The following MARCHF1 variants were observed in gnomAD, a reference collection of about 807,000 sequenced individuals.
The protein encoded by MARCHF1 is membrane associated ring-CH-type finger 1.
MARCHF1 carries 40 observed loss-of-function variants against 54.2 expected under a neutral mutation model. The ratio of observed to expected loss-of-function variants is 0.74; its 90% CI spans 0.57 to 0.96. MARCHF1 has a LOEUF of 0.96. MARCHF1 is among the 40% of genes least tolerant of loss of function. MARCHF1 has a pLI of 0.00. For synonymous variants in MARCHF1, 236 were observed against 236.3 expected, an observed-to-expected ratio of 1.00 and a Z score of 0.01; for missense variants, 586 against 656.5, an observed-to-expected ratio of 0.89 and a Z score of 1.17.
intron 5 of MARCHF1, among the ~76,000 whole-genome samples, chr4:163,675,454 G>T (rs529049873): frequency 4.0e-4 from 61 of 152,302 alleles, no homozygotes; most frequent in African/African-American, 1.4e-3. Flanking sequence ...GCAACTTATT[G>T]TGGAGGAGAG....
intron 4 of MARCHF1, among the ~76,000 whole-genome samples, chr4:163,764,025 G>A (rs1746905410): frequency 6.6e-6 from 1 of 151,950 alleles, no homozygotes. Context: ...CACCACTGCA[G>A]GCAGCTAAAA....
intron 7 of MARCHF1, among the ~76,000 whole-genome samples, chr4:163,600,294 T>C (rs1272115261): frequency 2.0e-5 from 3 of 152,146 alleles, no homozygotes; most frequent in Admixed American, 1.3e-4. Flanking sequence ...AAATCAGTGG[T>C]TCTCAGCTTT....
At chr4:163,979,143 G>A (rs1752708421) in intron 3 of MARCHF1, among the ~76,000 whole-genome samples, 2 of 106,114 alleles carry the variant, frequency 1.9e-5, no homozygotes, top group Non-Finnish European at 3.7e-5. Flanking sequence ...CTAGCATTAG[G>A]TATATCTCCC....
chr4:164,101,307 G>T (rs11945716), intron 2 of MARCHF1, among the ~76,000 whole-genome samples: 2 of 151,042 alleles, frequency 1.3e-5, no homozygotes, highest in South Asian at 4.2e-4. Flanking sequence ...ACCTCTGGGG[G>T]CAGGGCACAG....
chr4:163,650,594 T>G (rs1444289747), intron 5 of MARCHF1, among the ~76,000 whole-genome samples: 1 of 151,846 alleles, frequency 6.6e-6, no homozygotes, highest in Admixed American at 6.6e-5. Flanking sequence ...TCTTCTTTCT[T>G]AAGATTGTTG....
intron 1 of MARCHF1, among the ~76,000 whole-genome samples, chr4:164,251,994 A>C (rs1201669037): frequency 6.6e-6 from 1 of 152,208 alleles, no homozygotes; most frequent in African/African-American, 2.4e-5. Flanking sequence ...CACAAAATAA[A>C]GGCTAAGGGA....
At chr4:163,572,562 T>C (rs1739877278) in intron 8 of MARCHF1, among the ~76,000 whole-genome samples, 1 of 152,090 alleles carries the variant, frequency 6.6e-6, no homozygotes, top group Non-Finnish European at 1.5e-5. Context: ...TAAGCTATGC[T>C]CCTTATATTT....
intron 1 of MARCHF1, among the ~76,000 whole-genome samples, chr4:164,249,551 T>C (rs543006802): frequency 1.3e-5 from 2 of 152,106 alleles, no homozygotes; most frequent in East Asian, 3.9e-4. Context: ...ACATTGTAAA[T>C]TGAATTTTAT....
rs372203827 is a variant in MARCHF1, at chr4:164,008,605, T to TA, written c.-247-19897dup. Among the ~76,000 whole-genome samples, 305 of 151,006 alleles carry TA rather than the reference T, an allele frequency of 2.0e-3. 7 individuals are homozygous for TA. Among genetic ancestry groups the TA allele is most frequent in the Middle Eastern group, 3.4e-3 (1 of 294 alleles). On this transcript the variant is annotated intron_variant, in intron 2 of 9. Coordinates refer to ENST00000514618, the MANE Select transcript of MARCHF1 (RefSeq NM_001394959.1). ...AGGCAAAAATACAAGTCTGAACAAA[T>TA]AAAAAAAAGGCAGAAATCATGTCAA...
intron 1 of MARCHF1, among the ~76,000 whole-genome samples, chr4:164,249,425 G>A (rs1733058022): frequency 6.6e-6 from 1 of 152,036 alleles, no homozygotes; most frequent in Admixed American, 6.6e-5. Flanking sequence ...AATATGTGAT[G>A]TATATGTGAA....
chr4:163,944,052 C>T (rs1751972943), intron 3 of MARCHF1, among the ~76,000 whole-genome samples: 1 of 151,738 alleles, frequency 6.6e-6, no homozygotes, highest in East Asian at 1.9e-4. Flanking sequence ...CTGCAAGCTC[C>T]ACCTCCCGGG....
intron 1 of MARCHF1, among the ~76,000 whole-genome samples, chr4:164,314,862 A>C (rs1734955353): frequency 1.3e-5 from 2 of 152,170 alleles, no homozygotes; most frequent in Admixed American, 1.3e-4. Flanking sequence ...AAGTAAAATA[A>C]AACCTCCCAG....
chr4:163,736,995 C>T (rs1396421708), intron 4 of MARCHF1, among the ~76,000 whole-genome samples: 1 of 152,000 alleles, frequency 6.6e-6, no homozygotes, highest in Non-Finnish European at 1.5e-5. Flanking sequence ...GAAACTTCTA[C>T]CATCAACTAA....
intron 1 of MARCHF1, among the ~76,000 whole-genome samples, chr4:164,142,480 C>T (rs1175367809): frequency 6.6e-6 from 1 of 152,168 alleles, no homozygotes; most frequent in Non-Finnish European, 1.5e-5. Context: ...GATCTGAGAA[C>T]CAGCAGACAG....
chr4:163,751,345 C>T (rs1239766592), intron 4 of MARCHF1, among the ~76,000 whole-genome samples: 18 of 151,752 alleles, frequency 1.2e-4, no homozygotes, highest in Admixed American at 1.2e-3. Context: ...ATTACCATTT[C>T]TATGTAACAT....
intron 1 of MARCHF1, chr4:164,197,770 C>A (rs1419303593): frequency 6.2e-7 from 1 of 1,608,612 alleles, no homozygotes; most frequent in Non-Finnish European, 8.5e-7. Flanking sequence ...CAATAAACCT[C>A]GAACCCACGG....
intron 8 of MARCHF1, among the ~76,000 whole-genome samples, chr4:163,550,281 C>CAAAAAAAAA (rs60320461): frequency 2.9e-5 from 3 of 105,140 alleles, no homozygotes; most frequent in Non-Finnish European, 4.0e-5. Flanking sequence ...GACTCCGTCT[C>CAAAAAAAAA]AAAAAAAAAA....
intron 1 of MARCHF1, among the ~76,000 whole-genome samples, chr4:164,161,381 C>T (rs1730230317): frequency 6.6e-6 from 1 of 152,134 alleles, no homozygotes; most frequent in Non-Finnish European, 1.5e-5. Context: ...ATGCTGCCTG[C>T]AGAGCCATGA....
At chr4:163,737,729 G>T (rs1165532156) in intron 4 of MARCHF1, among the ~76,000 whole-genome samples, 1 of 121,074 alleles carries the variant, frequency 8.3e-6, no homozygotes, top group Non-Finnish European at 2.0e-5. Flanking sequence ...ACACCAGTTA[G>T]AATGGCAATC....
Sources: allele counts gnomAD v4.1 joint callset (sites outside exome capture counted in the v4.1 genomes callset), GRCh38; gene constraint gnomAD v4.1.1; transcripts MANE v1.5; gene names NCBI Gene and HGNC (gene_info 2026-07-23, HGNC 2026-07-21).